EPHA7: variants seen among roughly 807,000 people sequenced by gnomAD.
EPHA7 encodes the protein ephrin type-A receptor 7.
EPHA7 carries 25 observed loss-of-function variants against 112.6 expected under a neutral mutation model. The observed-to-expected ratio is 0.22, with a 90% CI of 0.16 to 0.31. The LOEUF (loss-of-function observed/expected upper bound fraction) is 0.31. Among genes scored for constraint, EPHA7 ranks in the 10% least tolerant of loss-of-function variants. The pLI is 1.00. For missense variants in EPHA7, 962 were observed against 1,212.6 expected (o/e 0.79, Z 3.07); for synonymous variants, 437 against 406.5 (o/e 1.07, Z -0.90).
In EPHA7 at chr6:93,241,910, G is replaced by A. The variant is rs933405490; in HGVS notation, c.*1516C>T. The A allele has an allele frequency of 9.2e-6, 2 of 217,722 alleles. No individual in the cohort carries two copies. The highest frequency in any genetic ancestry group is 6.8e-5 in the East Asian group (1 of 14,810). The allele number at this position is 217,722 out of a possible 1,614,324, so 13.5% of individuals were successfully genotyped here. A position where few individuals can be genotyped will look rare whatever the true frequency, so the allele number is the denominator to read the frequency against. ...GTTATTTGTTTGTTTGTTTGTGGAT[G>A]CCCACATTATCAAACAAGACCAATT... On this transcript the variant is annotated 3_prime_UTR_variant, in exon 17 of 17. Coordinates refer to ENST00000369303, the MANE Select transcript of EPHA7 (RefSeq NM_004440.4).
intron 12 of EPHA7, among the ~76,000 whole-genome samples, chr6:93,256,954 T>G (rs2127857718): frequency 6.6e-6 from 1 of 152,250 alleles, no homozygotes; most frequent in South Asian, 2.1e-4. Flanking sequence ...ATATCTATGT[T>G]TATATATTCT....
chr6:93,418,874 A>C (rs1779380809), intron 1 of EPHA7, among the ~76,000 whole-genome samples: 1 of 152,218 alleles, frequency 6.6e-6, no homozygotes, highest in African/African-American at 2.4e-5. Flanking sequence ...AAGGCGAATA[A>C]GGAGACAAGG....
intron 14 of EPHA7, among the ~76,000 whole-genome samples, chr6:93,248,693 A>T (rs1408559118): frequency 6.7e-6 from 1 of 148,412 alleles, no homozygotes. Context: ...ACAAACAAAC[A>T]AACAACAACA....
At chr6:93,383,413 C>T (rs1189288484) in intron 3 of EPHA7, among the ~76,000 whole-genome samples, 1 of 151,474 alleles carries the variant, frequency 6.6e-6, no homozygotes, top group African/African-American at 2.4e-5. Flanking sequence ...CTCAGTTTAA[C>T]GTGAGGAAAC....
intron 5 of EPHA7, among the ~76,000 whole-genome samples, chr6:93,343,064 A>G (rs1443690808): frequency 1.3e-5 from 2 of 151,734 alleles, no homozygotes. Context: ...AAAACTTTGA[A>G]TAATACTGAT....
chr6:93,405,114 T>C (rs2127991099), intron 3 of EPHA7, among the ~76,000 whole-genome samples: 1 of 151,948 alleles, frequency 6.6e-6, no homozygotes, highest in East Asian at 1.9e-4. Context: ...TCACCCACAA[T>C]CCCACTACAT....
chr6:93,283,694 A>T (rs1212875911), intron 5 of EPHA7, among the ~76,000 whole-genome samples: 1 of 152,118 alleles, frequency 6.6e-6, no homozygotes, highest in Admixed American at 6.5e-5. Context: ...AACACATCCG[A>T]ATATCAGAAG....
intron 3 of EPHA7, among the ~76,000 whole-genome samples, chr6:93,374,118 T>A (rs1262235735): frequency 6.6e-6 from 1 of 152,070 alleles, no homozygotes; most frequent in Non-Finnish European, 1.5e-5. Flanking sequence ...AATATTCAGG[T>A]CAAATCTAGA....
chr6:93,364,460 G>A (rs889259203), intron 3 of EPHA7, among the ~76,000 whole-genome samples: 11 of 150,352 alleles, frequency 7.3e-5, no homozygotes, highest in African/African-American at 2.2e-4. Context: ...GGAGGTGAAG[G>A]CTGCAGTGAG....
chr6:93,261,822 CTG>C (rs1336130502), intron 9 of EPHA7, among the ~76,000 whole-genome samples: 4 of 151,318 alleles, frequency 2.6e-5, no homozygotes, highest in Admixed American at 1.3e-4. Flanking sequence ...TAATTACAAA[CTG>C]GATGTGAAAT....
intron 3 of EPHA7, among the ~76,000 whole-genome samples, chr6:93,405,379 A>AT (rs1778645354): frequency 6.6e-6 from 1 of 151,816 alleles, no homozygotes; most frequent in East Asian, 1.9e-4. Flanking sequence ...TATGTAAAAT[A>AT]TTTTTTAATT....
At chr6:93,308,352 CTTA>C (rs1773363616) in intron 5 of EPHA7, among the ~76,000 whole-genome samples, 1 of 151,964 alleles carries the variant, frequency 6.6e-6, no homozygotes, top group Non-Finnish European at 1.5e-5. Context: ...GAAAATATAT[CTTA>C]TTATTTTTTG....
chr6:93,266,848 T>C (rs1482356975), intron 7 of EPHA7, among the ~76,000 whole-genome samples: 1 of 151,754 alleles, frequency 6.6e-6, no homozygotes, highest in Non-Finnish European at 1.5e-5. Context: ...TCATGAACTG[T>C]GTGTTTCTGT....
intron 14 of EPHA7, among the ~76,000 whole-genome samples, chr6:93,253,050 T>TTGTCAGTCC (rs1231949833): frequency 1.3e-5 from 2 of 151,994 alleles, no homozygotes; most frequent in African/African-American, 4.8e-5. Context: ...AACTCTGAAT[T>TTGTCAGTCC]TGTCAGTCCT....
chr6:93,407,248 T>G (rs1778763349), intron 3 of EPHA7, among the ~76,000 whole-genome samples: 1 of 152,070 alleles, frequency 6.6e-6, no homozygotes, highest in Non-Finnish European at 1.5e-5. Flanking sequence ...AAACTTGCCT[T>G]TAAGTGGCTA....
At chr6:93,335,527 A>T (rs1253160655) in intron 5 of EPHA7, among the ~76,000 whole-genome samples, 2 of 152,086 alleles carry the variant, frequency 1.3e-5, no homozygotes, top group African/African-American at 2.4e-5. Flanking sequence ...TTATATTTTT[A>T]AAAAGCACCT....
At chr6:93,346,346 G>A (rs536750889) in intron 5 of EPHA7, among the ~76,000 whole-genome samples, 2 of 151,680 alleles carry the variant, frequency 1.3e-5, no homozygotes, top group East Asian at 1.9e-4. Flanking sequence ...CAATGCTACC[G>A]CTTCAATAAC....
intron 5 of EPHA7, among the ~76,000 whole-genome samples, chr6:93,344,122 TC>T (rs1775274536): frequency 1.0e-5 from 1 of 98,850 alleles, no homozygotes; most frequent in Non-Finnish European, 2.8e-5. Flanking sequence ...TATCTATCTA[TC>T]TATCATCTAT....
chr6:93,383,709 T>C (rs1035154516), intron 3 of EPHA7, among the ~76,000 whole-genome samples: 2 of 152,316 alleles, frequency 1.3e-5, no homozygotes, highest in East Asian at 1.9e-4. Context: ...GTTTTTCTTT[T>C]TCTTTTTTTA....
Sources: allele counts gnomAD v4.1 joint callset (sites outside exome capture counted in the v4.1 genomes callset), GRCh38; gene constraint gnomAD v4.1.1; transcripts MANE v1.5; gene names NCBI Gene and HGNC (gene_info 2026-07-23, HGNC 2026-07-21).